TSBP1: variants seen among roughly 807,000 people sequenced by gnomAD.
TSBP1 encodes testis-expressed basic protein 1.
Under a neutral mutation model 68.8 loss-of-function variants are expected in TSBP1, and 56 were observed. The observed-to-expected ratio is 0.81, with a 90% CI of 0.66 to 1.02. TSBP1 has a LOEUF of 1.02. Ranked by LOEUF, TSBP1 falls within the 50% of genes least tolerant of loss-of-function variation. The probability of loss-of-function intolerance (pLI) is 0.00; values close to 1 mark genes in which losing one functional copy is unlikely to be tolerated. For missense variants in TSBP1, 502 were observed against 641.2 expected, an observed-to-expected ratio of 0.78 and a Z score of 2.34; for synonymous variants, 171 against 208.7, an observed-to-expected ratio of 0.82 and a Z score of 1.56.
chr6:32,368,792 A>G, exon 3 of TSBP1: 1 of 1,585,998 alleles, frequency 6.3e-7, no homozygotes. Flanking sequence ...TTTGTTCTGA[A>G]CTGTATCTGG....
At chr6:32,293,678 C>T (rs749027279) in exon 23 of TSBP1, 19 of 1,612,528 alleles carry the variant, frequency 1.2e-5, no homozygotes, top group Non-Finnish European at 1.1e-5. Flanking sequence ...CTCCTGTCCT[C>T]TTGGTACATC....
chr6:32,298,852 C>A lies in TSBP1; in HGVS notation c.637+1070G>T, dbSNP rs560312751. ...TATTCTACTTTGTTTTGTATGGTTT[C>A]CTTGCTTGAAGAGCTGAGTCATATA... is the stretch of plus-strand genomic sequence containing the variant. On this transcript the variant is annotated intron_variant, in intron 22 of 22. Coordinates refer to ENST00000612031, the Ensembl canonical transcript of TSBP1. Among the ~76,000 whole-genome samples, 3 of 152,216 alleles carry A rather than the reference C, an allele frequency of 2.0e-5. No homozygotes were observed. The South Asian group carries it at 6.2e-4, about 32-fold the overall frequency.
chr6:32,320,451 T>C (rs1278330043), intron 18 of TSBP1, among the ~76,000 whole-genome samples: 1 of 152,184 alleles, frequency 6.6e-6, no homozygotes, highest in Non-Finnish European at 1.5e-5. Context: ...GTTTTCCGCA[T>C]GTTGTATCTT....
intron 9 of TSBP1, among the ~76,000 whole-genome samples, chr6:32,341,653 G>T (rs1428090270): frequency 6.6e-6 from 1 of 152,148 alleles, no homozygotes; most frequent in African/African-American, 2.4e-5. Context: ...GTATCATATG[G>T]TTGTGGCCTG....
intron 18 of TSBP1, among the ~76,000 whole-genome samples, chr6:32,318,236 G>C (rs1767184823): frequency 6.6e-6 from 1 of 152,168 alleles, no homozygotes; most frequent in African/African-American, 2.4e-5. Flanking sequence ...CTTACAAATG[G>C]GAGATAAATG....
chr6:32,333,973 T>C lies in TSBP1; in HGVS notation c.472+1464A>G. The C allele has an allele frequency of 3.5e-6, 1 of 289,206 alleles. No individual in the cohort carries two copies. Among genetic ancestry groups the C allele is most frequent in the Non-Finnish European group, 7.1e-6 (1 of 141,370 alleles). The allele number at this position is 289,206 out of a possible 1,614,324, so 17.9% of individuals were successfully genotyped here. On this transcript the variant is annotated intron_variant, in intron 14 of 22. Transcript: ENST00000612031. This position sits in a 1 kb window ranked among gnomAD's most constrained non-coding sequence, Gnocchi z 4.2. ...TACACATTTAGATATTATGCTAACT[T>C]AATAGTTGCTTTGCCTGTATCTACA...
rs1769894612 is a variant in TSBP1, at chr6:32,338,229, A to C, written c.409+750T>G. 2.0e-5 allele frequency among the ~76,000 whole-genome samples: 3 copies of C among 152,114 alleles called. No individual in the cohort carries two copies. ...TGGTATGCACGCAAATCACCTGGGA[A>C]TCTTATTAAAATGCAGAGTCTGATT... On this transcript the variant is annotated intron_variant, in intron 11 of 22. Coordinates refer to ENST00000612031, the Ensembl canonical transcript of TSBP1. This position sits in a 1 kb window ranked among gnomAD's most constrained non-coding sequence, Gnocchi z 5.5.
Position 32,336,150 on chromosome 6 carries a change from A to C in TSBP1, c.431-218T>G, listed in dbSNP as rs1234026814. Among the ~76,000 whole-genome samples, 8 of 152,152 alleles carry C rather than the reference A, an allele frequency of 5.3e-5. No individual in the cohort carries two copies. The highest frequency in any genetic ancestry group is 5.2e-4 in the Admixed American group (8 of 15,278). On this transcript the variant is annotated intron_variant, in intron 12 of 22. Coordinates refer to ENST00000612031, the Ensembl canonical transcript of TSBP1. This position sits in a 1 kb window ranked among gnomAD's most constrained non-coding sequence, Gnocchi z 5.2. Reference sequence around the variant, plus strand: ...CCTCCTGCTTTCAGTGATGGTTGAAAATCTTCAGAGGGTTGGGAAAGACTC... The same window carrying C: ...CCTCCTGCTTTCAGTGATGGTTGAACATCTTCAGAGGGTTGGGAAAGACTC...
chr6:32,331,373 CTATT>C (rs1769000039), intron 15 of TSBP1, among the ~76,000 whole-genome samples: 1 of 152,156 alleles, frequency 6.6e-6, no homozygotes, highest in Non-Finnish European at 1.5e-5. Flanking sequence ...CAATGCCTAT[CTATT>C]ATGAATTTTA....
Position 32,339,597 on chromosome 6 carries a change from TAC to T in TSBP1, c.388+1_388+2del. ...GACTGAGTTGTATATATGGGAAACT[TAC>T]AAGGAGGTTCTTCAGTTGTTTGTAA... On this transcript the variant is annotated splice_donor_variant, in intron 10 of 22. Transcript: ENST00000612031. LOFTEE classifies it high-confidence loss of function. 7.8e-7 allele frequency: 1 copy of T among 1,281,526 alleles called. No homozygotes were observed. Among genetic ancestry groups the T allele is most frequent in the Non-Finnish European group, 1.1e-6 (1 of 889,288 alleles). The allele number at this position is 1,281,526 out of a possible 1,614,324, so 79.4% of individuals were successfully genotyped here. A position where few individuals can be genotyped will look rare whatever the true frequency, so the allele number is the denominator to read the frequency against.
chr6:32,355,140 TG>T lies in TSBP1; in HGVS notation c.242del (p.Pro81HisfsTer6). 1 of 1,612,332 alleles carries T rather than the reference TG, an allele frequency of 6.2e-7. No individual in the cohort carries two copies. The highest frequency in any genetic ancestry group is 8.5e-7 in the Non-Finnish European group (1 of 1,179,532). ...AGCACTTACCTAGAGAGTTGGTTGA[TG>T]GTGCTAAAATACACACACAGAAAAC... On this transcript the variant is annotated frameshift_variant, in exon 8 of 23. Coordinates refer to ENST00000612031, the Ensembl canonical transcript of TSBP1. LOFTEE classifies it high-confidence loss of function.
chr6:32,333,090 C>T lies in TSBP1; in HGVS notation c.473-1036G>A, dbSNP rs1769244705. ...GTGGCATGATCTCGGCTCACTGCAA[C>T]CTCTGCCTCCTGGGTTCAAGCGATT... On this transcript the variant is annotated intron_variant, in intron 14 of 22. Coordinates refer to ENST00000612031, the Ensembl canonical transcript of TSBP1. This position sits in a 1 kb window ranked among gnomAD's most constrained non-coding sequence, Gnocchi z 4.2. Among the ~76,000 whole-genome samples, 1 of 151,742 alleles carries T rather than the reference C, an allele frequency of 6.6e-6. No individual in the cohort carries two copies. The highest frequency in any genetic ancestry group is 2.4e-5 in the African/African-American group (1 of 41,290).
intron 8 of TSBP1, among the ~76,000 whole-genome samples, chr6:32,353,338 C>A (rs1265762): frequency 0.48 from 72,366 of 151,768 alleles, 18,584 homozygotes; most frequent in Middle Eastern, 0.59. Flanking sequence ...AGATAGTATT[C>A]ACATCCGAAA....
chr6:32,293,772 G>A, exon 23 of TSBP1: 1 of 1,612,672 alleles, frequency 6.2e-7, no homozygotes, highest in South Asian at 1.1e-5. Context: ...TGTCTTTTTG[G>A]TATTCCAGCG....
chr6:32,357,817 G>A lies in TSBP1; in HGVS notation c.218-2148C>T, dbSNP rs1277436367. Among the ~76,000 whole-genome samples the A allele has an allele frequency of 1.3e-5, 2 of 149,036 alleles. No homozygotes were observed. Among genetic ancestry groups the A allele is most frequent in the Non-Finnish European group, 3.0e-5 (2 of 67,562 alleles). On this transcript the variant is annotated intron_variant, in intron 6 of 22. Coordinates refer to ENST00000612031, the Ensembl canonical transcript of TSBP1. This position sits in a 1 kb window ranked among gnomAD's most constrained non-coding sequence, Gnocchi z 4.7. ...GCACCAGTGTGTAGAAGGGATTAGG[G>A]CTTGGGTTTTAGACATGCTAAGAGT...
chr6:32,350,229 C>T lies in TSBP1; in HGVS notation c.260-400G>A, dbSNP rs545340130. ...CTAACTGCTTCAACAGGGGTTTCCA[C>T]TTTCCAAAATTCACTTGTGCCCTAT... On this transcript the variant is annotated intron_variant, in intron 8 of 22. Transcript: ENST00000612031. 9.8e-5 allele frequency: 45 copies of T among 458,584 alleles called. 1 individual carries two copies. Among genetic ancestry groups the T allele is most frequent in the African/African-American group, 8.0e-4 (40 of 50,158 alleles). The allele number at this position is 458,584 out of a possible 1,614,324, so 28.4% of individuals were successfully genotyped here. A position where few individuals can be genotyped will look rare whatever the true frequency, so the allele number is the denominator to read the frequency against.
intron 6 of TSBP1, among the ~76,000 whole-genome samples, chr6:32,358,950 G>C (rs1257296842): frequency 7.3e-6 from 1 of 136,778 alleles, no homozygotes; most frequent in Non-Finnish European, 1.6e-5. Context: ...TAAGTTTTAG[G>C]GTACATGTGC....
chr6:32,293,907 C>A, exon 23 of TSBP1: 1 of 1,612,820 alleles, frequency 6.2e-7, no homozygotes, highest in East Asian at 2.2e-5. Context: ...AATATGATGT[C>A]ATTCTTTAGT....
intron 16 of TSBP1, chr6:32,323,866 C>T (rs521828): frequency 0.31 from 163,199 of 525,844 alleles, 28,079 homozygotes; most frequent in African/African-American, 0.53. Context: ...TTAGCTGTAC[C>T]AGGGAAAGGA....
Sources: allele counts gnomAD v4.1 joint callset (sites outside exome capture counted in the v4.1 genomes callset), GRCh38; gene constraint gnomAD v4.1.1; non-coding constraint Gnocchi (gnomAD v3.1); transcripts MANE v1.5; gene names NCBI Gene and HGNC (gene_info 2026-07-23, HGNC 2026-07-21).